The following LAYN variants were observed in gnomAD, a reference collection of about 807,000 sequenced individuals.
LAYN encodes layilin.
A neutral mutation model predicts 43.6 loss-of-function variants in LAYN; 38 were observed. That is an observed-to-expected ratio of 0.87 (90% CI 0.67 to 1.14). LAYN has a LOEUF of 1.14. Ranked by LOEUF, LAYN falls within the 50% of genes most tolerant of loss-of-function variation. The pLI is 0.00. For missense variants in LAYN, 479 were observed against 463.8 expected, an observed-to-expected ratio of 1.03 and a Z score of -0.30; for synonymous variants, 168 against 172.9, an observed-to-expected ratio of 0.97 and a Z score of 0.22.
At chr11:111,549,497 A>G (rs1252926501) in intron 2 of LAYN, 121 bp from the exon 3 acceptor site, 1 of 783,498 alleles carries the variant, frequency 1.3e-6, no homozygotes, top group South Asian at 2.4e-5. Flanking sequence ...CTCTCTCTGT[A>G]TCATGTTCTG....
chr11:111,542,730 C>T lies in LAYN; in HGVS notation c.86-1193C>T, dbSNP rs114563546. Among the ~76,000 whole-genome samples, 245 of 152,328 alleles carry T rather than the reference C, an allele frequency of 1.6e-3. 2 individuals are homozygous for T. The highest frequency in any genetic ancestry group is 5.7e-3 in the African/African-American group (236 of 41,564). On this transcript the variant is annotated intron_variant, in intron 1 of 6. Coordinates refer to ENST00000375614, the MANE Select transcript of LAYN (RefSeq NM_178834.5). The stretch of plus-strand genomic sequence containing the variant: ...TTCTCTTTGCAGGGGGACTACTCCC[C>T]GTGTTGATACGTGGTTTTCACTTTG...
At chr11:111,554,496 T>G in intron 3 of LAYN, 65 bp from the exon 4 acceptor site, 2 of 1,251,194 alleles carry the variant, frequency 1.6e-6, no homozygotes, top group Non-Finnish European at 2.3e-6. Flanking sequence ...GAGGCTGTGG[T>G]TGATTTCATT....
At position 111,540,866 on chromosome 11, in the gene LAYN, A is replaced by AGGCCGTGCTGCT; in HGVS notation, c.38_49dup (p.Ala13_Leu16dup). ...GCCATGAGGCCGGGAACCGCGCTAC[A>AGGCCGTGCTGCT]GGCCGTGCTGCTGGCCGTGCTGCTG... On this transcript the variant is annotated inframe_insertion, in exon 1 of 7. Coordinates refer to ENST00000375614, the MANE Select transcript of LAYN (RefSeq NM_178834.5). 6.5e-6 allele frequency: 10 copies of AGGCCGTGCTGCT among 1,531,736 alleles called. No individual in the cohort carries two copies. Among genetic ancestry groups the AGGCCGTGCTGCT allele is most frequent in the South Asian group, 3.6e-5 (3 of 83,752 alleles). 94.9% of individuals were successfully genotyped at this position (1,531,736 alleles called of 1,614,324 possible).
chr11:111,560,367 T>G lies in LAYN; in HGVS notation c.1034T>G (p.Phe345Cys). The change falls in exon 7 of 7, where the codon TTT (phenylalanine) becomes TGT (cysteine). Residue 345 changes from phenylalanine (F) to cysteine (C), a missense_variant. By Grantham distance (205) the Phe-to-Cys change is radical. Transcript: ENST00000375614. Reference sequence around the variant, plus strand: ...ACTCTGGTGAGCGTGGAGAGTGGATTTGTGACCAATGACATTTATGAGTTC... The same window carrying G: ...ACTCTGGTGAGCGTGGAGAGTGGATGTGTGACCAATGACATTTATGAGTTC... ...FVTLVSVESG[F>C]VTNDIYEFSP... 1 of 1,614,120 alleles carries G rather than the reference T, an allele frequency of 6.2e-7. No individual in the cohort carries two copies.
intron 2 of LAYN, among the ~76,000 whole-genome samples, chr11:111,545,055 A>AATATATAT (rs36063658): frequency 1.1e-3 from 87 of 82,532 alleles, no homozygotes; most frequent in African/African-American, 2.7e-3. Context: ...AAATTTAACA[A>AATATATAT]ATATATATAT....
rs1254198696 is a variant in LAYN, at chr11:111,555,268, A to G, written c.636A>G (p.Lys212=). 4 of 1,613,564 alleles carry G rather than the reference A, an allele frequency of 2.5e-6. No individual in the cohort carries two copies. Among genetic ancestry groups the G allele is most frequent in the Admixed American group, 1.7e-5 (1 of 60,026 alleles). Residue 212 remains lysine (K), a synonymous_variant, in exon 5 of 7, where the codon AAA becomes AAG. Transcript: ENST00000375614. ...LPEETQEEDA[K]KTFKESREAA... ...AAGAAACACAGGAAGAAGATGCCAA[A>G]AAAACATTTAAAGAAAGTAGAGGTA...
rs748781024 is a variant in LAYN at position 111,555,263 on chromosome 11, G to C, written c.631G>C (p.Ala211Pro). 2 of 1,613,526 alleles carry C rather than the reference G, an allele frequency of 1.2e-6. No individual in the cohort carries two copies. The highest frequency in any genetic ancestry group is 1.7e-6 in the Non-Finnish European group (2 of 1,179,686). Reference sequence around the variant, plus strand: ...TCCAGAAGAAACACAGGAAGAAGATGCCAAAAAAACATTTAAAGAAAGTAG... The same window carrying C: ...TCCAGAAGAAACACAGGAAGAAGATCCCAAAAAAACATTTAAAGAAAGTAG... ...VLPEETQEEDAKKTFKESREA... is the reference protein window; with the variant it reads ...VLPEETQEEDPKKTFKESREA... Residue 211 changes from alanine (A) to proline (P), a missense_variant, in exon 5 of 7, where the codon GCC becomes CCC. Physicochemically the swap from Ala to Pro is conservative, Grantham distance 27. Coordinates refer to ENST00000375614, the MANE Select transcript of LAYN (RefSeq NM_178834.5).
Position 111,560,290 on chromosome 11 carries a change from G to A in LAYN, c.957G>A (p.Met319Ile). The change falls in exon 7 of 7, where the codon ATG becomes ATA. Residue 319 changes from methionine to isoleucine, a missense_variant. Met to Ile is a conservative substitution (Grantham distance 10). Transcript: ENST00000375614. ...VCSGEATPDD[M>I]SCDYDNMAVN... Reference sequence around the variant, plus strand: ...CGGGAGAAGCCACTCCCGATGACATGTCTTGTGACTATGACAACATGGCTG... The same window carrying A: ...CGGGAGAAGCCACTCCCGATGACATATCTTGTGACTATGACAACATGGCTG... 1 of 1,614,218 alleles carries A rather than the reference G, an allele frequency of 6.2e-7. No individual in the cohort carries two copies. Among genetic ancestry groups the A allele is most frequent in the Non-Finnish European group, 8.5e-7 (1 of 1,180,032 alleles).
chr11:111,543,350 CCTT>C (rs1867582208), intron 1 of LAYN, among the ~76,000 whole-genome samples: 1 of 152,186 alleles, frequency 6.6e-6, no homozygotes, highest in Non-Finnish European at 1.5e-5. Flanking sequence ...GTTCAGTAAA[CCTT>C]AACTGTTGTC....
Position 111,544,037 on chromosome 11 carries a change from G to A in LAYN, c.200G>A (p.Gly67Glu). The A allele has an allele frequency of 1.2e-6, 2 of 1,614,234 alleles. No individual in the cohort carries two copies. Among genetic ancestry groups the A allele is most frequent in the Non-Finnish European group, 1.7e-6 (2 of 1,180,050 alleles). The change falls in exon 2 of 7, where the codon GGA (glycine) becomes GAA (glutamate). Residue 67 changes from glycine to glutamate, a missense_variant. Transcript: ENST00000375614. ...EEAKEACRRD[G>E]GQLVSIESED... The stretch of plus-strand genomic sequence containing the variant: ...GCCAAAGAAGCCTGCAGGAGGGATG[G>A]AGGCCAGCTAGTCAGCATCGAGTCT...
At chr11:111,557,055 T>C (rs1466190753) in intron 5 of LAYN, among the ~76,000 whole-genome samples, 1 of 151,956 alleles carries the variant, frequency 6.6e-6, no homozygotes. Flanking sequence ...TCTTTTTCCC[T>C]CTCTTTCCCC....
At chr11:111,558,466 A>G (rs1389660484) in intron 6 of LAYN, among the ~76,000 whole-genome samples, 1 of 152,210 alleles carries the variant, frequency 6.6e-6, no homozygotes. Context: ...GAATAAGTAT[A>G]TACTAAGCAC....
At chr11:111,555,330 C>A in intron 5 of LAYN, 40 bp downstream of exon 5, 2 of 1,393,296 alleles carry the variant, frequency 1.4e-6, no homozygotes, top group African/African-American at 1.4e-5. Flanking sequence ...AATAATCAGG[C>A]TCCCTTGATT....
chr11:111,557,370 C>T (rs17112997), intron 5 of LAYN, among the ~76,000 whole-genome samples, 171 bp from the exon 6 acceptor site: 1,749 of 152,262 alleles, frequency 0.011, 45 homozygotes, highest in African/African-American at 0.04. Context: ...CTTTGGAATA[C>T]TCTGTGTTGA....
Position 111,544,145 on chromosome 11 carries a change from G to T in LAYN, c.308G>T (p.Arg103Leu). ...DGDFWIGLRR[R>L]EEKQSNSTAC... Reference sequence around the variant, plus strand: ...GACTTCTGGATTGGGCTCAGGAGGCGTGAGGAGAAACAAAGCAATAGCACA... The same window carrying T: ...GACTTCTGGATTGGGCTCAGGAGGCTTGAGGAGAAACAAAGCAATAGCACA... The change falls in exon 2 of 7, where the codon CGT becomes CTT. Residue 103 changes from arginine (R) to leucine (L), a missense_variant. Arg to Leu is a moderately radical substitution (Grantham distance 102). Coordinates refer to ENST00000375614, the MANE Select transcript of LAYN (RefSeq NM_178834.5). The T allele has an allele frequency of 6.2e-7, 1 of 1,614,152 alleles. No individual in the cohort carries two copies. The highest frequency in any genetic ancestry group is 8.5e-7 in the Non-Finnish European group (1 of 1,180,022).
chr11:111,544,849 C>A (rs1262303616), intron 2 of LAYN, among the ~76,000 whole-genome samples: 2 of 152,086 alleles, frequency 1.3e-5, no homozygotes, highest in East Asian at 3.9e-4. Context: ...GAGTTAATAT[C>A]TTTTTATGAT....
chr11:111,555,029 CAA>C (rs1867809771), intron 4 of LAYN, among the ~76,000 whole-genome samples, 176 bp from the exon 5 acceptor site: 2 of 152,186 alleles, frequency 1.3e-5, no homozygotes, highest in Admixed American at 1.3e-4. Context: ...ACCAAAAAGA[CAA>C]AGATAATTTA....
intron 2 of LAYN, among the ~76,000 whole-genome samples, chr11:111,546,478 CT>C (rs1401191964): frequency 3.3e-5 from 5 of 152,226 alleles, no homozygotes; most frequent in Non-Finnish European, 5.9e-5. Context: ...TGCAGTGCAG[CT>C]GCTGTCCATT....
At position 111,540,951 on chromosome 11, in the gene LAYN, G is replaced by A. The variant is rs1433279685; in HGVS notation, c.85+23G>A. 4.6e-6 allele frequency: 7 copies of A among 1,527,548 alleles called. No individual in the cohort carries two copies. In the South Asian group the frequency reaches 6.0e-5, roughly 13 times the overall value. The allele number at this position is 1,527,548 out of a possible 1,614,324, so 94.6% of individuals were successfully genotyped here. ...GTGGTGAGTGCGCGCGCTGGGGCGG[G>A]GGCTGGTGCCGGGGTGGGCTCACTG... On this transcript the variant is annotated intron_variant, in intron 1 of 6. Coordinates refer to ENST00000375614, the MANE Select transcript of LAYN (RefSeq NM_178834.5).
Sources: allele counts gnomAD v4.1 joint callset (sites outside exome capture counted in the v4.1 genomes callset), GRCh38; gene constraint gnomAD v4.1.1; transcripts MANE v1.5; gene names NCBI Gene and HGNC (gene_info 2026-07-23, HGNC 2026-07-21).